Variants in PRDM16 observed in about 807,000 individuals in gnomAD.
PRDM16 encodes histone-lysine N-methyltransferase PRDM16.
Under a neutral mutation model 110.6 loss-of-function variants are expected in PRDM16, and 23 were observed. The ratio of observed to expected loss-of-function variants is 0.21; its 90% CI spans 0.15 to 0.29. PRDM16 has a LOEUF of 0.29. PRDM16 is among the 10% of genes least tolerant of loss of function. The pLI, the probability that PRDM16 is intolerant of heterozygous loss-of-function variation, is 1.00. For synonymous variants in PRDM16, 799 were observed against 781.8 expected, an observed-to-expected ratio of 1.02 and a Z score of -0.37; for missense variants, 1,615 against 1,794.3, an observed-to-expected ratio of 0.90 and a Z score of 1.81.
rs541916494 is a variant in PRDM16 at position 3,234,609 on chromosome 1, G to A, written c.388-9478G>A. ...GAGCCACCCCGAGCACAGGGCCCCC[G>A]CAGGCTGGATGGCCGGGCCCCACCG... is the stretch of plus-strand genomic sequence containing the variant. On this transcript the variant is annotated intron_variant, in intron 2 of 16. Transcript: ENST00000270722. Among the ~76,000 whole-genome samples the A allele has an allele frequency of 4.6e-5, 7 of 152,274 alleles. No individual in the cohort carries two copies. In the East Asian group the frequency reaches 9.7e-4, roughly 21 times the overall value.
chr1:3,384,365 G>A (rs1258895818), intron 3 of PRDM16, among the ~76,000 whole-genome samples: 1 of 152,224 alleles, frequency 6.6e-6, no homozygotes, highest in Non-Finnish European at 1.5e-5. Context: ...GGCCAGAGTG[G>A]GGGAGGCTGG....
intron 1 of PRDM16, among the ~76,000 whole-genome samples, chr1:3,181,540 GGTCTTACACACGCA>G (rs1281955899): frequency 0.087 from 3,175 of 36,460 alleles, 797 homozygotes; most frequent in African/African-American, 0.22. Flanking sequence ...TCTTACACAC[GGTCTTACACACGCA>G]GTCTTACACA....
In PRDM16 at chr1:3,314,080, G is replaced by T. The variant is rs1004066855; in HGVS notation, c.438+69943G>T. Among the ~76,000 whole-genome samples, 19 of 151,456 alleles carry T rather than the reference G, an allele frequency of 1.3e-4. 1 individual carries two copies. The highest frequency in any genetic ancestry group is 2.1e-4 in the Non-Finnish European group (14 of 67,966). ...TGCCGTCCTTCCCCACCGGGGGGGG[G>T]GGCGGGAACATAAAATGGACCCAAG... On this transcript the variant is annotated intron_variant, in intron 3 of 16. Transcript: ENST00000270722.
intron 1 of PRDM16, among the ~76,000 whole-genome samples, chr1:3,101,847 C>T (rs1330594919): frequency 6.6e-6 from 1 of 152,182 alleles, no homozygotes; most frequent in African/African-American, 2.4e-5. Flanking sequence ...GGAAGACCAC[C>T]CGTTCTTGTC....
chr1:3,234,210 T>G (rs2100893006), intron 2 of PRDM16, among the ~76,000 whole-genome samples: 1 of 152,162 alleles, frequency 6.6e-6, no homozygotes, highest in Admixed American at 6.5e-5. Context: ...CTGGGGGCCT[T>G]CCTCTGCGGT....
chr1:3,387,653 C>G (rs4648492), intron 4 of PRDM16, among the ~76,000 whole-genome samples: 1 of 152,338 alleles, frequency 6.6e-6, no homozygotes, highest in Non-Finnish European at 1.5e-5. Flanking sequence ...CTGGAATGCC[C>G]GGGAAAGCAG....
At chr1:3,070,749 C>T (rs953391506) in intron 1 of PRDM16, among the ~76,000 whole-genome samples, 5 of 152,126 alleles carry the variant, frequency 3.3e-5, no homozygotes, top group Admixed American at 6.5e-5. Flanking sequence ...CCGCCCGGCT[C>T]GTCCCAACAG....
chr1:3,155,580 G>A (rs796348832), intron 1 of PRDM16, among the ~76,000 whole-genome samples: 22 of 152,372 alleles, frequency 1.4e-4, no homozygotes, highest in African/African-American at 4.1e-4. Context: ...GCGTTGCCGC[G>A]TCTCACCCGG....
intron 4 of PRDM16, among the ~76,000 whole-genome samples, chr1:3,388,413 G>A (rs545530359): frequency 2.0e-5 from 3 of 152,292 alleles, no homozygotes; most frequent in East Asian, 1.9e-4. Context: ...GTAAAACAAC[G>A]TCGAGTTTGC....
chr1:3,336,909 CTGTG>C (rs913534154), intron 3 of PRDM16, among the ~76,000 whole-genome samples: 1 of 147,160 alleles, frequency 6.8e-6, no homozygotes, highest in East Asian at 2.0e-4. Flanking sequence ...TGGTGTGAGT[CTGTG>C]TGTGAATGCT....
intron 3 of PRDM16, among the ~76,000 whole-genome samples, chr1:3,312,090 T>C (rs111450087): frequency 0.094 from 14,254 of 152,224 alleles, 2,160 homozygotes; most frequent in African/African-American, 0.32. Context: ...TGCTCCCCCA[T>C]GCGACACCCT....
At chr1:3,248,828 G>A (rs760016137) in intron 3 of PRDM16, among the ~76,000 whole-genome samples, 9 of 152,240 alleles carry the variant, frequency 5.9e-5, no homozygotes, top group Non-Finnish European at 1.2e-4. Flanking sequence ...TTCTGTGGGC[G>A]TTTTCTATAG....
At chr1:3,102,778 G>A (rs902675341) in intron 1 of PRDM16, among the ~76,000 whole-genome samples, 2 of 152,278 alleles carry the variant, frequency 1.3e-5, no homozygotes, top group Admixed American at 6.5e-5. Context: ...GGGCCCCTGC[G>A]GAAGGGACTC....
intron 1 of PRDM16, among the ~76,000 whole-genome samples, chr1:3,178,807 G>A (rs1644119347): frequency 6.6e-6 from 1 of 152,142 alleles, no homozygotes; most frequent in South Asian, 2.1e-4. Context: ...AGGTCAGTGG[G>A]CCTGGGTGGA....
intron 3 of PRDM16, among the ~76,000 whole-genome samples, chr1:3,296,250 G>A (rs1053542686): frequency 2.8e-4 from 43 of 152,176 alleles, no homozygotes; most frequent in African/African-American, 8.7e-4. Flanking sequence ...TGGAGCTGCC[G>A]TCCAGCCCCA....
intron 3 of PRDM16, among the ~76,000 whole-genome samples, chr1:3,323,534 G>A (rs926792456): frequency 7.9e-5 from 12 of 152,242 alleles, no homozygotes; most frequent in African/African-American, 2.9e-4. Context: ...GACAGCGGAG[G>A]GAGGAGGAAG....
intron 2 of PRDM16, among the ~76,000 whole-genome samples, chr1:3,188,898 G>T (rs1023838742): frequency 1.3e-5 from 2 of 152,230 alleles, no homozygotes; most frequent in Non-Finnish European, 2.9e-5. Context: ...CGTCAATCAA[G>T]GAGGTTTCTC....
intron 2 of PRDM16, among the ~76,000 whole-genome samples, chr1:3,203,428 C>A (rs1638677579): frequency 1.3e-5 from 2 of 152,246 alleles, no homozygotes; most frequent in South Asian, 2.1e-4. Flanking sequence ...TGCTTATGAG[C>A]CCGTATTAGG....
At chr1:3,373,351 C>T (rs944392877) in intron 3 of PRDM16, among the ~76,000 whole-genome samples, 31 of 152,170 alleles carry the variant, frequency 2.0e-4, no homozygotes, top group Admixed American at 2.0e-3. Flanking sequence ...CCCGCCCCAG[C>T]GTGCCTTTGC....
Sources: allele counts gnomAD v4.1 joint callset (sites outside exome capture counted in the v4.1 genomes callset), GRCh38; gene constraint gnomAD v4.1.1; transcripts MANE v1.5; gene names NCBI Gene and HGNC (gene_info 2026-07-23, HGNC 2026-07-21).